HEPACAM2: variants seen among roughly 807,000 people sequenced by gnomAD.
HEPACAM2 encodes HEPACAM family member 2, also known as mitotic kinetics regulator.
In HEPACAM2, 49 loss-of-function variants were observed where a neutral mutation model predicts 49.6. The ratio of observed to expected loss-of-function variants is 0.99; its 90% CI spans 0.78 to 1.25. The LOEUF (loss-of-function observed/expected upper bound fraction) is 1.25. Ranked by LOEUF, HEPACAM2 falls within the 50% of genes most tolerant of loss-of-function variation. HEPACAM2 has a pLI of 0.00. For missense variants in HEPACAM2, 525 were observed against 557.2 expected, an observed-to-expected ratio of 0.94 and a Z score of 0.58; for synonymous variants, 197 against 202.9, an observed-to-expected ratio of 0.97 and a Z score of 0.25.
rs368882066 is a variant in HEPACAM2 at position 93,219,342 on chromosome 7, G to A, written c.189C>T (p.Asp63=). ...VHYGFHTPAS[D]IQIIWLFERP... ...TCTCAAATAGCCATATGATCTGGAT[G>A]TCTGATGCTGGAGTGTGGAAGCCAT... The change falls in exon 2 of 10, where the codon GAC becomes GAT. Residue 63 remains aspartate (D), a synonymous_variant. Transcript: ENST00000394468. 9.3e-6 allele frequency: 15 copies of A among 1,613,886 alleles called. No individual in the cohort carries two copies. The highest frequency in any genetic ancestry group is 1.0e-5 in the Non-Finnish European group (12 of 1,179,944).
intron 3 of HEPACAM2, among the ~76,000 whole-genome samples, chr7:93,210,019 C>A (rs1794139945): frequency 6.6e-6 from 1 of 151,822 alleles, no homozygotes; most frequent in Admixed American, 6.6e-5. Context: ...TTGCAGTACT[C>A]CTGTAGCATT....
intron 9 of HEPACAM2, among the ~76,000 whole-genome samples, chr7:93,191,183 A>G (rs1584323621): frequency 6.6e-6 from 1 of 152,026 alleles, no homozygotes; most frequent in Non-Finnish European, 1.5e-5. Context: ...CTTGTGTTCT[A>G]CTAGATTGAT....
chr7:93,205,035 G>A (rs1288809176), intron 4 of HEPACAM2, among the ~76,000 whole-genome samples: 18 of 151,202 alleles, frequency 1.2e-4, no homozygotes, highest in African/African-American at 4.4e-4. Flanking sequence ...AGGAGGCAGA[G>A]TTTGCAGTGA....
chr7:93,231,964 TCTC>T, the HEPACAM2 span, among the ~76,000 whole-genome samples: 1 of 151,938 alleles, frequency 6.6e-6, no homozygotes, highest in Non-Finnish European at 1.5e-5. Flanking sequence ...TTGAGTTCCT[TCTC>T]CTTCGCGTCA....
intron 4 of HEPACAM2, among the ~76,000 whole-genome samples, chr7:93,200,224 A>C (rs562994924): frequency 2.0e-5 from 3 of 151,948 alleles, no homozygotes; most frequent in Non-Finnish European, 4.4e-5. Flanking sequence ...TTTTTCGGTC[A>C]ATTTTTGCTA....
Position 93,195,964 on chromosome 7 carries a change from C to G in HEPACAM2, c.1202-63G>C, listed in dbSNP as rs537526679. The G allele has an allele frequency of 5.0e-6, 6 of 1,199,340 alleles. No homozygotes were observed. In the South Asian group the frequency reaches 6.2e-5, roughly 12 times the overall value. 74.3% of individuals were successfully genotyped at this position (1,199,340 alleles called of 1,614,324 possible). A position where few individuals can be genotyped will look rare whatever the true frequency, so the allele number is the denominator to read the frequency against. Reference sequence around the variant, plus strand: ...CCTTGATTTGCTGTTGTTTTTTAAACCTTTGTAAAACTTATCTTTATTGTC... The same window carrying G: ...CCTTGATTTGCTGTTGTTTTTTAAAGCTTTGTAAAACTTATCTTTATTGTC... On this transcript the variant is annotated intron_variant, in intron 7 of 9. Coordinates refer to ENST00000394468, the MANE Select transcript of HEPACAM2 (RefSeq NM_001039372.4).
chr7:93,229,837 G>C (rs1794593884), upstream of HEPACAM2, among the ~76,000 whole-genome samples: 1 of 152,180 alleles, frequency 6.6e-6, no homozygotes, highest in Admixed American at 6.5e-5. Flanking sequence ...AAAAGTGTTT[G>C]TTAGGATGCC....
chr7:93,208,374 T>C (rs1414025333), intron 4 of HEPACAM2, among the ~76,000 whole-genome samples: 1 of 152,090 alleles, frequency 6.6e-6, no homozygotes, highest in African/African-American at 2.4e-5. Context: ...CACAATTGAA[T>C]TGAATTTCTC....
At chr7:93,218,118 A>G (rs11972684) in intron 2 of HEPACAM2, among the ~76,000 whole-genome samples, 21,765 of 152,056 alleles carry the variant, frequency 0.14, 2,730 homozygotes, top group East Asian at 0.31. Context: ...GAAGGCCAGC[A>G]TGGCCAGAAC....
At chr7:93,228,500 G>T (rs890892236), upstream of HEPACAM2, among the ~76,000 whole-genome samples, 2 of 152,156 alleles carry the variant, frequency 1.3e-5, no homozygotes, top group South Asian at 4.1e-4. Flanking sequence ...TACACAGGAA[G>T]TGAGAAAAAG....
intron 4 of HEPACAM2, among the ~76,000 whole-genome samples, chr7:93,199,056 T>A (rs1192752357): frequency 6.6e-6 from 1 of 152,118 alleles, no homozygotes; most frequent in East Asian, 1.9e-4. Flanking sequence ...ATTCACATAT[T>A]TCCCTTAAGT....
At chr7:93,211,599 G>C (rs1794179466) in intron 3 of HEPACAM2, among the ~76,000 whole-genome samples, 1 of 152,060 alleles carries the variant, frequency 6.6e-6, no homozygotes, top group African/African-American at 2.4e-5. Context: ...AGACATCTGA[G>C]ACGTTGACCA....
At chr7:93,219,559 G>A in intron 1 of HEPACAM2, 108 bp from the exon 2 acceptor site, 1 of 1,550,034 alleles carries the variant, frequency 6.5e-7, no homozygotes, top group Non-Finnish European at 8.7e-7. Flanking sequence ...TCAAAGAAGA[G>A]TGGCTTCTAG....
chr7:93,190,137 T>G (rs562518596), intron 9 of HEPACAM2, among the ~76,000 whole-genome samples: 19 of 152,148 alleles, frequency 1.2e-4, no homozygotes, highest in Admixed American at 1.2e-3. Context: ...TGGAAATGTT[T>G]GTGAAGTGAT....
Position 93,226,447 on chromosome 7 carries a change from G to T in HEPACAM2, c.-1C>A. 1 of 1,612,254 alleles carries T rather than the reference G, an allele frequency of 6.2e-7. No homozygotes were observed. The highest frequency in any genetic ancestry group is 8.5e-7 in the Non-Finnish European group (1 of 1,178,500). On this transcript the variant is annotated 5_prime_UTR_variant, in exon 1 of 10. Transcript: ENST00000394468. Reference sequence around the variant, plus strand: ...GCTCCATGAAAGCATCCTGTCCCATGCATGCAGTGCCCTGTTCTCAGTGGT... The same window carrying T: ...GCTCCATGAAAGCATCCTGTCCCATTCATGCAGTGCCCTGTTCTCAGTGGT...
At chr7:93,220,033 T>G (rs2116719883) in intron 1 of HEPACAM2, among the ~76,000 whole-genome samples, 1 of 152,214 alleles carries the variant, frequency 6.6e-6, no homozygotes, top group South Asian at 2.1e-4. Context: ...GGTTGGTGTA[T>G]TTGAGAAACA....
chr7:93,202,855 C>A (rs1167805132), intron 4 of HEPACAM2, among the ~76,000 whole-genome samples: 1 of 152,150 alleles, frequency 6.6e-6, no homozygotes, highest in African/African-American at 2.4e-5. Flanking sequence ...GCTTAATATA[C>A]AATGACTGGA....
chr7:93,219,008 A>C lies in HEPACAM2; in HGVS notation c.430+93T>G, dbSNP rs375270715. Reference sequence around the variant, plus strand: ...TTAATTGATTTGTGCAAAGTTGTGAAGCCAAGATCTAAAGCCGAAGTAGTT... The same window carrying C: ...TTAATTGATTTGTGCAAAGTTGTGACGCCAAGATCTAAAGCCGAAGTAGTT... On this transcript the variant is annotated intron_variant, in intron 2 of 9. Transcript: ENST00000394468. 1.2e-5 allele frequency: 13 copies of C among 1,045,598 alleles called. No homozygotes were observed. In the Admixed American group the frequency reaches 1.3e-4, roughly 10 times the overall value. 64.8% of individuals were successfully genotyped at this position (1,045,598 alleles called of 1,614,324 possible). A position where few individuals can be genotyped will look rare whatever the true frequency, so the allele number is the denominator to read the frequency against.
upstream of HEPACAM2, among the ~76,000 whole-genome samples, chr7:93,226,699 C>A (rs1038855700): frequency 6.6e-6 from 1 of 152,112 alleles, no homozygotes; most frequent in Non-Finnish European, 1.5e-5. Context: ...ATAAATTATA[C>A]TTAGTTATTA....
Sources: gnomAD v4.1 joint callset for allele counts (sites outside exome capture counted in the v4.1 genomes callset) on GRCh38, gnomAD v4.1.1 for gene constraint, MANE v1.5 for transcripts, NCBI Gene and HGNC (gene_info 2026-07-23, HGNC 2026-07-21) for gene names.